SEMA5B: variants seen among roughly 807,000 people sequenced by gnomAD.
SEMA5B encodes the protein semaphorin-5B.
Under a neutral mutation model 135.0 loss-of-function variants are expected in SEMA5B, and 66 were observed. The observed-to-expected ratio is 0.49, with a 90% CI of 0.40 to 0.60. The LOEUF is 0.60. Among genes scored for constraint, SEMA5B ranks in the 20% least tolerant of loss-of-function variants. The probability of loss-of-function intolerance (pLI) is 0.00; values close to 1 mark genes in which losing one functional copy is unlikely to be tolerated. For missense variants in SEMA5B, 1,501 were observed against 1,566.3 expected, an observed-to-expected ratio of 0.96 and a Z score of 0.70; for synonymous variants, 690 against 639.5, an observed-to-expected ratio of 1.08 and a Z score of -1.19.
intron 2 of SEMA5B, among the ~76,000 whole-genome samples, chr3:122,959,766 G>A (rs1369999880): frequency 6.6e-6 from 1 of 152,182 alleles, no homozygotes; most frequent in African/African-American, 2.4e-5. Flanking sequence ...ATGAAATAAG[G>A]TGAATAGCAT....
chr3:122,967,725 G>A (rs1940930992), intron 1 of SEMA5B, among the ~76,000 whole-genome samples: 1 of 152,214 alleles, frequency 6.6e-6, no homozygotes, highest in South Asian at 2.1e-4. Context: ...GGTTCTTCTG[G>A]AGGACACTAC....
At chr3:123,024,255 C>T (rs1942751773) in intron 1 of SEMA5B, among the ~76,000 whole-genome samples, 1 of 152,194 alleles carries the variant, frequency 6.6e-6, no homozygotes, top group African/African-American at 2.4e-5. Flanking sequence ...CCTAAATACA[C>T]ATACTCCATC....
In SEMA5B at chr3:122,913,346, C is replaced by G. The variant is rs1388067085; in HGVS notation, c.2359G>C (p.Val787Leu). 6.3e-7 allele frequency: 1 copy of G among 1,580,892 alleles called. No homozygotes were observed. The highest frequency in any genetic ancestry group is 8.5e-7 in the Non-Finnish European group (1 of 1,170,472). ...TPWTPWLPVN[V>L]TQGGARQEQR... Reference sequence around the variant, plus strand: ...TCCTGCCGTGCCCCGCCCTGCGTCACGTTCACGGGCAGCCACGGCGTCCAG... The same window carrying G: ...TCCTGCCGTGCCCCGCCCTGCGTCAGGTTCACGGGCAGCCACGGCGTCCAG... Residue 787 changes from valine to leucine, a missense_variant, in exon 17 of 23, where the codon GTG (valine) becomes CTG (leucine). This residue lies in a region of SEMA5B where 927 missense variants were observed against 881.6 expected (regional missense o/e 1.05). Coordinates refer to ENST00000357599, the MANE Select transcript of SEMA5B (RefSeq NM_001031702.4).
chr3:123,028,060 T>C (rs1942848817), upstream of SEMA5B, among the ~76,000 whole-genome samples: 1 of 152,018 alleles, frequency 6.6e-6, no homozygotes, highest in South Asian at 2.1e-4. Flanking sequence ...TCCGAGCACT[T>C]GCCGCCGTTT....
At chr3:122,940,912 G>A (rs1939529126) in intron 4 of SEMA5B, among the ~76,000 whole-genome samples, 2 of 152,190 alleles carry the variant, frequency 1.3e-5, no homozygotes, top group Admixed American at 6.5e-5. Context: ...GGTAACACAG[G>A]CATCTGCTCA....
At chr3:123,010,651 A>G (rs1161981926) in intron 1 of SEMA5B, among the ~76,000 whole-genome samples, 1 of 151,934 alleles carries the variant, frequency 6.6e-6, no homozygotes, top group Non-Finnish European at 1.5e-5. Flanking sequence ...TCTACTAAAA[A>G]TACAAAAAAT....
At chr3:122,981,332 C>A (rs1941515634) in intron 1 of SEMA5B, among the ~76,000 whole-genome samples, 1 of 152,240 alleles carries the variant, frequency 6.6e-6, no homozygotes, top group Admixed American at 6.5e-5. Context: ...GGACTGGGCA[C>A]CCCACTTTGG....
In SEMA5B at chr3:123,016,951, G is replaced by A. The variant is rs371582774; in HGVS notation, c.-39+10513C>T. Among the ~76,000 whole-genome samples, 11 of 148,812 alleles carry A rather than the reference G, an allele frequency of 7.4e-5. 1 individual carries two copies. The highest frequency in any genetic ancestry group is 5.9e-4 in the East Asian group (3 of 5,046). On this transcript the variant is annotated intron_variant, in intron 1 of 22. Coordinates refer to ENST00000357599, the MANE Select transcript of SEMA5B (RefSeq NM_001031702.4). ...TTGTCACCCAGGCTGAAGTGCAGTG[G>A]CGCGATCTCGGCTCACTGCAAGCTC...
chr3:122,989,204 T>A (rs1290755750), intron 1 of SEMA5B, among the ~76,000 whole-genome samples: 3 of 152,214 alleles, frequency 2.0e-5, no homozygotes, highest in African/African-American at 7.2e-5. Flanking sequence ...AAGCTCCTAT[T>A]GTCCACAGAT....
At chr3:122,992,114 G>A (rs1448508277) in intron 1 of SEMA5B, among the ~76,000 whole-genome samples, 3 of 152,194 alleles carry the variant, frequency 2.0e-5, no homozygotes, top group African/African-American at 2.4e-5. Context: ...CTGGGTCCAA[G>A]GGCTGTGGTT....
chr3:122,925,584 C>T (rs1938584864), intron 9 of SEMA5B, among the ~76,000 whole-genome samples: 1 of 151,980 alleles, frequency 6.6e-6, no homozygotes, highest in South Asian at 2.1e-4. Flanking sequence ...TCAGGAGAAT[C>T]GCTTGAACCC....
chr3:122,912,752 T>G, intron 18 of SEMA5B, 91 bp downstream of exon 18: 11 of 1,245,330 alleles, frequency 8.8e-6, no homozygotes, highest in South Asian at 3.0e-5. Flanking sequence ...CACCTGGGCA[T>G]TGGGGTTCCT....
At chr3:123,018,125 C>T (rs1942602696) in intron 1 of SEMA5B, among the ~76,000 whole-genome samples, 1 of 152,196 alleles carries the variant, frequency 6.6e-6, no homozygotes, top group Admixed American at 6.5e-5. Context: ...CTCAGAGCCG[C>T]AAAGACATAG....
intron 4 of SEMA5B, among the ~76,000 whole-genome samples, chr3:122,942,895 C>T (rs11718695): frequency 0.075 from 11,351 of 152,270 alleles, 464 homozygotes; most frequent in Middle Eastern, 0.1. Flanking sequence ...GAGGAATGAG[C>T]TCCTCCTAGT....
Position 122,926,393 on chromosome 3 carries a change from C to A in SEMA5B, c.1135G>T (p.Val379Leu), listed in dbSNP as rs568213430. The A allele has an allele frequency of 2.5e-6, 4 of 1,609,796 alleles. No individual in the cohort carries two copies. In the South Asian group the frequency reaches 3.3e-5, roughly 13 times the overall value. ...GGGCTGGCAGAGGGCAGGACTCACA[C>A]GTTGGTTGTGAAAACTCCATAGATG... ...DLIYGVFTTNVNSIAASAVCA... is the reference protein window; with the variant it reads ...DLIYGVFTTNLNSIAASAVCA... Residue 379 changes from valine (V) to leucine (L), a missense_variant and splice_region_variant, in exon 9 of 23, where the codon GTA (valine) becomes TTA (leucine). Val to Leu is a conservative substitution (Grantham distance 32). This residue lies in a region of SEMA5B where 574 missense variants were observed against 684.7 expected (regional missense o/e 0.84). Coordinates refer to ENST00000357599, the MANE Select transcript of SEMA5B (RefSeq NM_001031702.4).
intron 3 of SEMA5B, among the ~76,000 whole-genome samples, chr3:122,947,297 C>T (rs1000087380): frequency 2.6e-5 from 4 of 152,124 alleles, no homozygotes; most frequent in African/African-American, 9.7e-5. Flanking sequence ...GCCTTGGATC[C>T]CAGCTCAAAC....
At chr3:123,010,920 C>T (rs1232044332) in intron 1 of SEMA5B, among the ~76,000 whole-genome samples, 1 of 151,926 alleles carries the variant, frequency 6.6e-6, no homozygotes, top group African/African-American at 2.4e-5. Context: ...CAGCAAATAG[C>T]GGGTGTGAAT....
rs934073970 is a variant in SEMA5B at position 122,967,319 on chromosome 3, C to T, written c.-38-6018G>A. On this transcript the variant is annotated intron_variant, in intron 1 of 22. Coordinates refer to ENST00000357599, the MANE Select transcript of SEMA5B (RefSeq NM_001031702.4). Reference sequence around the variant, plus strand: ...ACCTTAGATTTCCTCCTCCTAACTACCCCCACACGACTTCTAAACTATCTT... The same window carrying T: ...ACCTTAGATTTCCTCCTCCTAACTATCCCCACACGACTTCTAAACTATCTT... Among the ~76,000 whole-genome samples the T allele has an allele frequency of 2.6e-5, 4 of 152,254 alleles. No individual in the cohort carries two copies. The East Asian group carries it at 5.8e-4, about 22-fold the overall frequency.
In SEMA5B at chr3:122,912,074, G is replaced by A. The variant is rs1405485212; in HGVS notation, c.2897-5C>T. On this transcript the variant is annotated splice_region_variant and splice_polypyrimidine_tract_variant and intron_variant, in intron 19 of 22. Coordinates refer to ENST00000357599, the MANE Select transcript of SEMA5B (RefSeq NM_001031702.4). Reference sequence around the variant, plus strand: ...CAGACCAGGGCGACCAGCCTTCTGGGGATTGTGGGTAGGATGAGGTTAACT... The same window carrying A: ...CAGACCAGGGCGACCAGCCTTCTGGAGATTGTGGGTAGGATGAGGTTAACT... 1.2e-6 allele frequency: 2 copies of A among 1,607,768 alleles called. No individual in the cohort carries two copies. Among genetic ancestry groups the A allele is most frequent in the Admixed American group, 1.7e-5 (1 of 59,750 alleles).
Sources: gnomAD v4.1 joint callset for allele counts (sites outside exome capture counted in the v4.1 genomes callset) on GRCh38, gnomAD v4.1.1 for gene constraint, gnomAD v4.1.1 regional missense constraint, MANE v1.5 for transcripts, NCBI Gene and HGNC (gene_info 2026-07-23, HGNC 2026-07-21) for gene names.